The following FMR1NB variants were observed in gnomAD, a reference collection of about 807,000 sequenced individuals.
FMR1NB encodes the protein FMR1 neighbor protein.
Under a neutral mutation model 16.8 loss-of-function variants are expected in FMR1NB, and 10 were observed. The observed-to-expected ratio is 0.60, with a 90% CI of 0.37 to 1.01. FMR1NB has a LOEUF of 1.01. FMR1NB is among the 50% of genes least tolerant of loss of function. FMR1NB has a pLI of 0.01. For missense variants in FMR1NB, 205 were observed against 204.8 expected (o/e 1.00, Z 0.00); for synonymous variants, 83 against 79.1 (o/e 1.05, Z -0.26).
chrX:148,022,780 G>A (rs2044685766), intron 4 of FMR1NB, among the ~76,000 whole-genome samples: 1 of 111,508 alleles, frequency 9.0e-6, no homozygotes, highest in African/African-American at 3.3e-5. Context: ...AAATAATAAG[G>A]CCGTGTTGCT....
In FMR1NB at chrX:147,987,756, T is replaced by C. The variant is rs2044484252; in HGVS notation, c.277+6077T>C. ...ATATGTATTTAGGATAATTAGCTCTTCTTTTTGCATTGATTCCCTTTACCA... is the reference window on the plus strand; with the variant it reads ...ATATGTATTTAGGATAATTAGCTCTCCTTTTTGCATTGATTCCCTTTACCA... On this transcript the variant is annotated intron_variant, in intron 1 of 5. Coordinates refer to ENST00000370467, the MANE Select transcript of FMR1NB (RefSeq NM_152578.3). Among the ~76,000 whole-genome samples the C allele has an allele frequency of 2.7e-5, 3 of 112,104 alleles. No individual in the cohort carries two copies. The South Asian group carries it at 1.1e-3, about 42-fold the overall frequency.
At chrX:148,023,260 A>G in intron 4 of FMR1NB, among the ~76,000 whole-genome samples, 1 of 111,718 alleles carries the variant, frequency 9.0e-6, no homozygotes, top group South Asian at 3.8e-4. Context: ...AGGTAACAAC[A>G]TGGCAACATA....
chrX:147,985,117 A>G (rs142656328), intron 1 of FMR1NB, among the ~76,000 whole-genome samples: 3,567 of 110,945 alleles, frequency 0.032, 50 homozygotes, highest in Middle Eastern at 0.065. Flanking sequence ...CATAAGCGAT[A>G]TTGGTCTGCA....
chrX:147,984,363 A>C (rs189928846), intron 1 of FMR1NB, among the ~76,000 whole-genome samples: 8 of 112,280 alleles, frequency 7.1e-5, no homozygotes, highest in African/African-American at 1.9e-4. Context: ...ATGTCTTTCC[A>C]TTTATTAATG....
intron 1 of FMR1NB, among the ~76,000 whole-genome samples, chrX:147,992,551 C>A (rs1168432340): frequency 9.4e-4 from 12 of 12,749 alleles, no homozygotes; most frequent in Non-Finnish European, 2.4e-4. Flanking sequence ...GGGGTGGCTG[C>A]CGGGCGGAGA....
At chrX:147,990,180 G>T (rs1458603579) in intron 1 of FMR1NB, among the ~76,000 whole-genome samples, 1 of 111,690 alleles carries the variant, frequency 9.0e-6, no homozygotes, top group Admixed American at 9.5e-5. Flanking sequence ...AAAAACCATA[G>T]AAAAAGCATA....
intron 4 of FMR1NB, among the ~76,000 whole-genome samples, chrX:148,017,138 G>T (rs2044653712): frequency 9.0e-6 from 1 of 110,716 alleles, no homozygotes; most frequent in Non-Finnish European, 1.9e-5. Context: ...ACTGCTCTAG[G>T]GTGAAAGAGT....
Position 148,018,660 on chromosome X carries a change from T to C in FMR1NB, c.633-6205T>C, listed in dbSNP as rs373948817. ...AACTGGATCCCTTCCTTACACCTTA[T>C]ACAAAAATTAATTCAAGATGGATTA... On this transcript the variant is annotated intron_variant, in intron 4 of 5. Transcript: ENST00000370467. Among the ~76,000 whole-genome samples the C allele has an allele frequency of 6.3e-5, 7 of 110,735 alleles. No individual in the cohort carries two copies. In the East Asian group the frequency reaches 1.4e-3, roughly 22 times the overall value.
intron 1 of FMR1NB, among the ~76,000 whole-genome samples, chrX:147,982,933 A>G (rs1336081955): frequency 8.9e-6 from 1 of 112,372 alleles, no homozygotes; most frequent in East Asian, 2.8e-4. Context: ...TTCATATAAC[A>G]TAAATTAACT....
Position 148,012,476 on chromosome X carries a change from T to A in FMR1NB, c.632+3765T>A, listed in dbSNP as rs143651443. On this transcript the variant is annotated intron_variant, in intron 4 of 5. Transcript: ENST00000370467. ...TTCCTATCAGATTGAATTTGTAACT[T>A]TGAATTAAGACAAAATTCAGAACTC... 7.2e-3 allele frequency among the ~76,000 whole-genome samples: 802 copies of A among 112,003 alleles called. 8 individuals are homozygous for A. The highest frequency in any genetic ancestry group is 0.025 in the African/African-American group (776 of 30,853).
chrX:147,983,164 A>G (rs972345645), intron 1 of FMR1NB, among the ~76,000 whole-genome samples: 1 of 111,735 alleles, frequency 8.9e-6, no homozygotes, highest in Non-Finnish European at 1.9e-5. Context: ...TTTGAAATTT[A>G]CCGAATTTGG....
At chrX:148,008,753 C>T (rs370157897) in intron 4 of FMR1NB, 42 bp downstream of exon 4, 63 of 1,086,516 alleles carry the variant, frequency 5.8e-5, no homozygotes, top group Non-Finnish European at 7.9e-5. Context: ...GCTAAGTATA[C>T]ATGAGTATTT....
chrX:147,997,753 A>G (rs189470762), intron 1 of FMR1NB, among the ~76,000 whole-genome samples: 2 of 111,610 alleles, frequency 1.8e-5, no homozygotes, highest in Non-Finnish European at 3.8e-5. Flanking sequence ...AGCTTAAACA[A>G]ATTTACAAGA....
At position 147,981,345 on chromosome X, in the gene FMR1NB, C is replaced by G. The variant is rs1027673330; in HGVS notation, c.-58C>G. 8.6e-7 allele frequency: 1 copy of G among 1,161,982 alleles called. No homozygotes were observed. The highest frequency in any genetic ancestry group is 1.1e-6 in the Non-Finnish European group (1 of 869,669). On this transcript the variant is annotated 5_prime_UTR_variant, in exon 1 of 6. Coordinates refer to ENST00000370467, the MANE Select transcript of FMR1NB (RefSeq NM_152578.3). ...GACTGCCCCGGAAGCTTCTGGGCCACGGACTGCCGGACCGTTGGGCTGTGA... is the reference window on the plus strand; with the variant it reads ...GACTGCCCCGGAAGCTTCTGGGCCAGGGACTGCCGGACCGTTGGGCTGTGA...
intron 1 of FMR1NB, among the ~76,000 whole-genome samples, chrX:147,993,661 G>A (rs1557187945): frequency 9.2e-6 from 1 of 108,663 alleles, no homozygotes; most frequent in Non-Finnish European, 1.9e-5. Flanking sequence ...CCCTCTCTAA[G>A]CTACCTTCAC....
At chrX:148,005,046 C>T (rs901218773) in intron 2 of FMR1NB, among the ~76,000 whole-genome samples, 32 of 111,938 alleles carry the variant, frequency 2.9e-4, no homozygotes, top group Middle Eastern at 4.6e-3. Flanking sequence ...CATGCCACCA[C>T]GCCCAGCTAA....
chrX:147,981,713 TGGGGGA>T (rs782686670), intron 1 of FMR1NB, 34 bp downstream of exon 1: 29 of 66,094 alleles, frequency 4.4e-4, no homozygotes, highest in Admixed American at 1.7e-3. Context: ...AGGGAAATGC[TGGGGGA>T]GGGGGAGGGG....
chrX:148,012,946 A>G (rs1414990322), intron 4 of FMR1NB, among the ~76,000 whole-genome samples: 1 of 112,146 alleles, frequency 8.9e-6, no homozygotes, highest in Non-Finnish European at 1.9e-5. Context: ...TGAAGTTCCT[A>G]GGATTATATA....
chrX:148,001,834 A>C (rs1481837890), intron 1 of FMR1NB, among the ~76,000 whole-genome samples: 1 of 111,642 alleles, frequency 9.0e-6, no homozygotes, highest in African/African-American at 3.3e-5. Flanking sequence ...CAGAATAGAA[A>C]GTCAAGAAGC....
Sources: gnomAD v4.1 joint callset for allele counts (sites outside exome capture counted in the v4.1 genomes callset) on GRCh38, gnomAD v4.1.1 for gene constraint, MANE v1.5 for transcripts, NCBI Gene and HGNC (gene_info 2026-07-23, HGNC 2026-07-21) for gene names.